ADCY8: variants seen among roughly 807,000 people sequenced by gnomAD.
ADCY8 encodes adenylate cyclase 8.
In ADCY8, 51 loss-of-function variants were observed where a neutral mutation model predicts 119.7. The ratio of observed to expected loss-of-function variants is 0.43; its 90% CI spans 0.34 to 0.54. ADCY8 has a LOEUF of 0.54. ADCY8 is among the 20% of genes least tolerant of loss of function. The probability of loss-of-function intolerance (pLI) is 0.03; values close to 1 mark genes in which losing one functional copy is unlikely to be tolerated. For missense variants in ADCY8, 1,383 were observed against 1,598.8 expected (o/e 0.87, Z 2.30); for synonymous variants, 665 against 651.0 (o/e 1.02, Z -0.33).
intron 15 of ADCY8, among the ~76,000 whole-genome samples, chr8:130,796,771 CTT>C (rs1476448207): frequency 6.6e-5 from 10 of 150,428 alleles, no homozygotes; most frequent in Non-Finnish European, 1.5e-5. Flanking sequence ...ACCTCCTCCC[CTT>C]TCCTCCTCTT....
chr8:130,811,712 C>T (rs1027051857), intron 14 of ADCY8, among the ~76,000 whole-genome samples: 4 of 152,186 alleles, frequency 2.6e-5, no homozygotes, highest in Non-Finnish European at 4.4e-5. Context: ...CACAGCCAGG[C>T]ACAGTGGTGA....
chr8:131,002,590 T>C (rs977813100), intron 1 of ADCY8, among the ~76,000 whole-genome samples: 1 of 151,784 alleles, frequency 6.6e-6, no homozygotes. Flanking sequence ...GAAAGAATTA[T>C]AAATAGTTCA....
chr8:131,036,761 A>G lies in ADCY8; in HGVS notation c.960+2613T>C, dbSNP rs185421416. On this transcript the variant is annotated intron_variant, in intron 1 of 17. Transcript: ENST00000286355. ...GTTGCTCTAGGTAGCAGGTGAAAAG[A>G]CCCAGAATTAGGAAGAGCTTGGAAT... Among the ~76,000 whole-genome samples the G allele has an allele frequency of 8.5e-4, 130 of 152,300 alleles. 1 individual carries two copies. The highest frequency in any genetic ancestry group is 2.9e-3 in the African/African-American group (120 of 41,558).
intron 1 of ADCY8, among the ~76,000 whole-genome samples, chr8:131,027,554 G>T (rs1261893668): frequency 6.6e-6 from 1 of 152,182 alleles, no homozygotes; most frequent in Non-Finnish European, 1.5e-5. Flanking sequence ...AGGATAGAGA[G>T]CTGTGGACAG....
chr8:131,026,050 A>G (rs932277959), intron 1 of ADCY8, among the ~76,000 whole-genome samples: 1 of 152,224 alleles, frequency 6.6e-6, no homozygotes, highest in African/African-American at 2.4e-5. Context: ...TCGCCATATG[A>G]GGCTAAATGA....
In ADCY8 at chr8:130,849,688, A is replaced by G; in HGVS notation, c.2326T>C (p.Cys776Arg). Residue 776 changes from cysteine (C) to arginine (R), a missense_variant, in exon 10 of 18, where the codon TGT (cysteine) becomes CGT (arginine). Cys to Arg is a radical substitution (Grantham distance 180). This residue lies in a region of ADCY8 where 928 missense variants were observed against 1,163.5 expected (regional missense o/e 0.80). Coordinates refer to ENST00000286355, the MANE Select transcript of ADCY8 (RefSeq NM_001115.3). Reference sequence around the variant, plus strand: ...GCCAAATAGGTCTCATTAATCCAACAGCAAGTTTTCCGGAGGATGAGGGGC... The same window carrying G: ...GCCAAATAGGTCTCATTAATCCAACGGCAAGTTTTCCGGAGGATGAGGGGC... ...CLPLILRKTC[C>R]WINETYLARN... 6.2e-7 allele frequency: 1 copy of G among 1,614,070 alleles called. No homozygotes were observed. The highest frequency in any genetic ancestry group is 8.5e-7 in the Non-Finnish European group (1 of 1,179,940).
chr8:130,980,363 C>CCTAA (rs1235121353), intron 2 of ADCY8, among the ~76,000 whole-genome samples: 2 of 152,124 alleles, frequency 1.3e-5, no homozygotes, highest in African/African-American at 2.4e-5. Context: ...ATAGAGATGA[C>CCTAA]CTAACTAGTT....
chr8:130,978,071 A>G (rs1394558118), intron 2 of ADCY8, among the ~76,000 whole-genome samples: 2 of 152,202 alleles, frequency 1.3e-5, no homozygotes, highest in Non-Finnish European at 2.9e-5. Flanking sequence ...TGCCTTCACC[A>G]TGCTTGCAGT....
chr8:130,934,678 C>A (rs1820733225), intron 5 of ADCY8, among the ~76,000 whole-genome samples: 1 of 152,162 alleles, frequency 6.6e-6, no homozygotes. Flanking sequence ...CAGCCTTTTC[C>A]ATTAACCAAA....
intron 1 of ADCY8, among the ~76,000 whole-genome samples, chr8:131,026,276 C>T (rs569519313): frequency 1.0e-3 from 159 of 152,240 alleles, no homozygotes; most frequent in African/African-American, 3.5e-3. Context: ...AGGACACAGT[C>T]GGAAGATGGC....
chr8:130,909,329 C>T (rs1458172613), intron 6 of ADCY8, among the ~76,000 whole-genome samples: 1 of 152,184 alleles, frequency 6.6e-6, no homozygotes, highest in East Asian at 1.9e-4. Flanking sequence ...AGGTCTTAAT[C>T]CTGGCTGCCC....
chr8:130,864,069 T>C (rs927431209), intron 9 of ADCY8, among the ~76,000 whole-genome samples: 4 of 152,188 alleles, frequency 2.6e-5, no homozygotes, highest in African/African-American at 9.6e-5. Context: ...TTATAAAGGA[T>C]ATAGAATTCT....
intron 4 of ADCY8, among the ~76,000 whole-genome samples, chr8:130,942,046 C>T (rs1466268469): frequency 6.6e-6 from 1 of 152,122 alleles, no homozygotes; most frequent in Non-Finnish European, 1.5e-5. Context: ...ATCACCCCAC[C>T]CCATGCTCCA....
At chr8:130,937,668 AG>A (rs1820829004) in intron 4 of ADCY8, among the ~76,000 whole-genome samples, 1 of 152,206 alleles carries the variant, frequency 6.6e-6, no homozygotes, top group Non-Finnish European at 1.5e-5. Flanking sequence ...AACTCTATAA[AG>A]TTCCTTTCCA....
intron 7 of ADCY8, among the ~76,000 whole-genome samples, chr8:130,885,725 C>T (rs1175358849): frequency 6.6e-6 from 1 of 152,082 alleles, no homozygotes; most frequent in African/African-American, 2.4e-5. Flanking sequence ...CCAACCCATC[C>T]TTCCAATAGA....
Position 131,040,709 on chromosome 8 carries a change from C to A in ADCY8, c.-376G>T. 5.8e-6 allele frequency: 1 copy of A among 173,314 alleles called. No individual in the cohort carries two copies. Among genetic ancestry groups the A allele is most frequent in the East Asian group, 1.6e-4 (1 of 6,306 alleles). The allele number at this position is 173,314 out of a possible 1,614,324, so 10.7% of individuals were successfully genotyped here. A position where few individuals can be genotyped will look rare whatever the true frequency, so the allele number is the denominator to read the frequency against. On this transcript the variant is annotated 5_prime_UTR_variant, in exon 1 of 18. Coordinates refer to ENST00000286355, the MANE Select transcript of ADCY8 (RefSeq NM_001115.3). ...TCAGCGTTTTGGCGCAGCCTTTGCT[C>A]TCCAAGAGACGCCTAAGCGCCTGGG...
At chr8:130,840,984 A>C (rs1475732623) in intron 11 of ADCY8, among the ~76,000 whole-genome samples, 1 of 152,158 alleles carries the variant, frequency 6.6e-6, no homozygotes, top group African/African-American at 2.4e-5. Flanking sequence ...AAAAGAAGTC[A>C]AAGGCATTTC....
intron 13 of ADCY8, among the ~76,000 whole-genome samples, chr8:130,817,391 A>G (rs1454730689): frequency 6.6e-6 from 1 of 152,200 alleles, no homozygotes; most frequent in East Asian, 1.9e-4. Context: ...CAGTGTCCAG[A>G]TTGTGGTTTC....
intron 5 of ADCY8, among the ~76,000 whole-genome samples, chr8:130,929,637 T>C (rs1028535636): frequency 6.6e-6 from 1 of 152,206 alleles, no homozygotes; most frequent in Non-Finnish European, 1.5e-5. Context: ...TCTATATATG[T>C]CTATTAGGTC....
Sources: gnomAD v4.1 joint callset for allele counts (sites outside exome capture counted in the v4.1 genomes callset) on GRCh38, gnomAD v4.1.1 for gene constraint, gnomAD v4.1.1 regional missense constraint, MANE v1.5 for transcripts, NCBI Gene and HGNC (gene_info 2026-07-23, HGNC 2026-07-21) for gene names.